The following RAP1GAP2 variants were observed in gnomAD, a reference collection of about 807,000 sequenced individuals.
RAP1GAP2 encodes the protein RAP1 GTPase activating protein 2.
Under a neutral mutation model 95.0 loss-of-function variants are expected in RAP1GAP2, and 27 were observed. That is an observed-to-expected ratio of 0.28 (90% CI 0.21 to 0.39). RAP1GAP2 has a LOEUF of 0.39. RAP1GAP2 is among the 10% of genes least tolerant of loss of function. The pLI, the probability that RAP1GAP2 is intolerant of heterozygous loss-of-function variation, is 1.00. For missense variants in RAP1GAP2, 771 were observed against 970.0 expected, an observed-to-expected ratio of 0.79 and a Z score of 2.72; for synonymous variants, 373 against 380.9, an observed-to-expected ratio of 0.98 and a Z score of 0.24.
intron 1 of RAP1GAP2, among the ~76,000 whole-genome samples, chr17:2,779,245 C>T (rs748700608): frequency 2.0e-5 from 3 of 152,226 alleles, no homozygotes; most frequent in South Asian, 2.1e-4. Flanking sequence ...CTCTGAGCCT[C>T]GGTTTCCTTA....
chr17:2,895,591 T>G (rs1268494022), intron 2 of RAP1GAP2, among the ~76,000 whole-genome samples: 2 of 151,304 alleles, frequency 1.3e-5, no homozygotes, highest in Non-Finnish European at 3.0e-5. Flanking sequence ...GCTACTTTTT[T>G]TTTGAGACGG....
intron 1 of RAP1GAP2, among the ~76,000 whole-genome samples, chr17:2,783,943 G>C (rs532543602): frequency 7.2e-5 from 11 of 152,300 alleles, no homozygotes; most frequent in African/African-American, 2.6e-4. Flanking sequence ...CCCAGAAAGA[G>C]AGCCAGGTGG....
intron 14 of RAP1GAP2, 138 bp downstream of exon 14, chr17:2,998,514 G>A: frequency 1.8e-6 from 2 of 1,123,690 alleles, no homozygotes; most frequent in Non-Finnish European, 2.5e-6. Context: ...TTTGGAGCTA[G>A]ATTCTGGGTA....
chr17:2,874,936 C>A (rs116865653), intron 2 of RAP1GAP2, among the ~76,000 whole-genome samples: 1 of 152,264 alleles, frequency 6.6e-6, no homozygotes, highest in East Asian at 1.9e-4. Context: ...TGACTGTCGA[C>A]CTAGAGAAAG....
chr17:2,862,852 C>G (rs2072458063), intron 2 of RAP1GAP2, among the ~76,000 whole-genome samples: 1 of 151,962 alleles, frequency 6.6e-6, no homozygotes, highest in Non-Finnish European at 1.5e-5. Context: ...AAAAAATTAG[C>G]TGGGCGTGGT....
chr17:2,802,472 G>A (rs1473550549), intron 2 of RAP1GAP2, among the ~76,000 whole-genome samples: 2 of 152,142 alleles, frequency 1.3e-5, no homozygotes, highest in East Asian at 3.9e-4. Flanking sequence ...TACTTTGGGA[G>A]GCCAAGGTGG....
intron 19 of RAP1GAP2, among the ~76,000 whole-genome samples, chr17:3,020,807 A>G (rs1355755852): frequency 3.9e-5 from 6 of 152,204 alleles, no homozygotes; most frequent in Non-Finnish European, 8.8e-5. Context: ...GGGACCTTCC[A>G]GAGTTACTCT....
chr17:2,957,878 G>A, intron 4 of RAP1GAP2, 84 bp downstream of exon 4: 1 of 1,358,224 alleles, frequency 7.4e-7, no homozygotes, highest in Non-Finnish European at 9.9e-7. Flanking sequence ...CCCACGGGCA[G>A]AAGCCGGGTG....
chr17:3,006,119 T>TA, intron 16 of RAP1GAP2, 78 bp downstream of exon 16: 77 of 517,626 alleles, frequency 1.5e-4, no homozygotes, highest in Non-Finnish European at 2.3e-4. Context: ...GGCTCCTCCA[T>TA]CTTTTTTTTT....
rs374592735 is a variant in RAP1GAP2, at chr17:2,962,870, C to G, written c.246+156C>G. 7.8e-4 allele frequency: 550 copies of G among 702,594 alleles called. 1 individual carries two copies. The highest frequency in any genetic ancestry group is 1.1e-3 in the Non-Finnish European group (498 of 438,080). 43.5% of individuals were successfully genotyped at this position (702,594 alleles called of 1,614,324 possible). A position where few individuals can be genotyped will look rare whatever the true frequency, so the allele number is the denominator to read the frequency against. On this transcript the variant is annotated intron_variant, in intron 5 of 24. Coordinates refer to ENST00000254695, the MANE Select transcript of RAP1GAP2 (RefSeq NM_015085.5). Reference sequence around the variant, plus strand: ...GCCGCTTCACGACTGCCTTGTTAGACCAGTGCACGGTGGGCAGCAGAGGGG... The same window carrying G: ...GCCGCTTCACGACTGCCTTGTTAGAGCAGTGCACGGTGGGCAGCAGAGGGG...
upstream of RAP1GAP2, among the ~76,000 whole-genome samples, chr17:2,774,835 C>T (rs2068463135): frequency 1.6e-5 from 2 of 123,766 alleles, no homozygotes; most frequent in Non-Finnish European, 1.7e-5. Flanking sequence ...TTTTTTTTTT[C>T]CCCAAGATGG....
intron 1 of RAP1GAP2, among the ~76,000 whole-genome samples, chr17:2,789,041 T>C (rs1259559616): frequency 6.6e-6 from 1 of 152,170 alleles, no homozygotes; most frequent in East Asian, 1.9e-4. Context: ...CCCGTTTCCT[T>C]ATACCTTTAC....
Position 2,797,943 on chromosome 17 carries a change from C to G in RAP1GAP2, c.44+1372C>G, listed in dbSNP as rs896229887. Among the ~76,000 whole-genome samples, 1 of 152,094 alleles carries G rather than the reference C, an allele frequency of 6.6e-6. No homozygotes were observed. The highest frequency in any genetic ancestry group is 1.5e-5 in the Non-Finnish European group (1 of 68,004). ...GGTGTGGAGCAGATGGAAGGCTGGTCGCCAGAAAGCTCCGGGTGCACAGGT... is the reference window on the plus strand; with the variant it reads ...GGTGTGGAGCAGATGGAAGGCTGGTGGCCAGAAAGCTCCGGGTGCACAGGT... On this transcript the variant is annotated intron_variant, in intron 1 of 24. Coordinates refer to ENST00000254695, the MANE Select transcript of RAP1GAP2 (RefSeq NM_015085.5). The surrounding 1 kb of genome is among the most constrained non-coding windows in gnomAD (Gnocchi z 5.6).
intron 2 of RAP1GAP2, among the ~76,000 whole-genome samples, chr17:2,883,630 C>A (rs942339781): frequency 6.6e-6 from 1 of 152,160 alleles, no homozygotes; most frequent in Admixed American, 6.5e-5. Context: ...AACAAACACA[C>A]TTTAAAAATG....
intron 22 of RAP1GAP2, among the ~76,000 whole-genome samples, chr17:3,028,677 C>T (rs2047201137): frequency 6.6e-6 from 1 of 152,208 alleles, no homozygotes; most frequent in Non-Finnish European, 1.5e-5. Context: ...TCACGTGCCT[C>T]CTCTCATTCA....
intron 2 of RAP1GAP2, among the ~76,000 whole-genome samples, chr17:2,842,776 G>A (rs2071423222): frequency 6.6e-6 from 1 of 151,956 alleles, no homozygotes; most frequent in African/African-American, 2.4e-5. Flanking sequence ...CCGAAGGTGG[G>A]TCTCCATCCT....
intron 3 of RAP1GAP2, among the ~76,000 whole-genome samples, chr17:2,931,279 CTTGTGT>C (rs1567791787): frequency 3.6e-5 from 3 of 84,322 alleles, no homozygotes; most frequent in African/African-American, 1.3e-4. Context: ...GTGAGTGTTT[CTTGTGT>C]GTGTGTGTGT....
chr17:2,788,504 A>T (rs1472419780), intron 1 of RAP1GAP2, among the ~76,000 whole-genome samples: 2 of 151,876 alleles, frequency 1.3e-5, no homozygotes, highest in Non-Finnish European at 2.9e-5. Flanking sequence ...CACCATGTTG[A>T]TCACACTGGT....
chr17:3,030,212 C>T (rs2047249984), intron 22 of RAP1GAP2, among the ~76,000 whole-genome samples: 1 of 124,432 alleles, frequency 8.0e-6, no homozygotes, highest in Admixed American at 8.0e-5. Context: ...TCTCATGGCG[C>T]CCGGCCATGA....
Sources: allele counts gnomAD v4.1 joint callset (sites outside exome capture counted in the v4.1 genomes callset), GRCh38; gene constraint gnomAD v4.1.1; non-coding constraint Gnocchi (gnomAD v3.1); transcripts MANE v1.5; gene names NCBI Gene and HGNC (gene_info 2026-07-23, HGNC 2026-07-21).